Variants in NHS observed in about 807,000 individuals in gnomAD.
NHS encodes the protein NHS actin remodeling regulator.
A neutral mutation model predicts 72.5 loss-of-function variants in NHS; 5 were observed. That is an observed-to-expected ratio of 0.07 (90% confidence interval 0.04 to 0.14). NHS has a LOEUF of 0.14. Ranked by LOEUF, NHS falls within the 10% of genes least tolerant of loss-of-function variation. The probability of loss-of-function intolerance (pLI) is 1.00; values close to 1 mark genes in which losing one functional copy is unlikely to be tolerated. For synonymous variants in NHS, 464 were observed against 547.7 expected (o/e 0.85, Z 2.13); for missense variants, 1,072 against 1,355.7 (o/e 0.79, Z 3.29).
At chrX:17,721,299 TACTA>T (rs752273941) in intron 4 of NHS, 138 bp from the exon 5 acceptor site, 133 of 542,686 alleles carry the variant, frequency 2.5e-4, no homozygotes, top group South Asian at 4.3e-4. Context: ...TAGTTGTGCT[TACTA>T]ACTATTTCTA....
intron 1 of NHS, among the ~76,000 whole-genome samples, chrX:17,486,096 C>G (rs2064966450): frequency 8.9e-6 from 1 of 112,083 alleles, no homozygotes; most frequent in Non-Finnish European, 1.9e-5. Flanking sequence ...TCCCCAGCAC[C>G]TAGTGTGACA....
intron 1 of NHS, among the ~76,000 whole-genome samples, chrX:17,610,539 A>C (rs1330157700): frequency 3.6e-5 from 4 of 112,093 alleles, no homozygotes; most frequent in African/African-American, 1.3e-4. Flanking sequence ...GGAGGGGCTA[A>C]TAGCCCTCCA....
chrX:17,638,597 T>G (rs1460200129), intron 1 of NHS, among the ~76,000 whole-genome samples: 2 of 111,956 alleles, frequency 1.8e-5, no homozygotes, highest in Non-Finnish European at 1.9e-5. Flanking sequence ...GATGTGAATC[T>G]TTACTCTGCC....
chrX:17,564,982 TA>T (rs1174639038), intron 1 of NHS, among the ~76,000 whole-genome samples: 1,127 of 95,733 alleles, frequency 0.012, 26 homozygotes, highest in African/African-American at 0.056. Context: ...TTTTTTTATT[TA>T]TTTTTTTTTT....
intron 1 of NHS, chrX:17,687,268 C>T (rs968850632): frequency 1.6e-5 from 3 of 182,389 alleles, no homozygotes; most frequent in South Asian, 2.1e-4. Context: ...AGGTATAGGC[C>T]GAAGTTCAGG....
At chrX:17,502,102 C>T (rs1056722143) in intron 1 of NHS, among the ~76,000 whole-genome samples, 6 of 111,609 alleles carry the variant, frequency 5.4e-5, no homozygotes, top group Non-Finnish European at 1.1e-4. Flanking sequence ...TGTGTACACT[C>T]GGGAAAAAAG....
At chrX:17,393,274 C>G (rs1467935602) in intron 1 of NHS, among the ~76,000 whole-genome samples, 2 of 99,673 alleles carry the variant, frequency 2.0e-5, no homozygotes, top group African/African-American at 7.4e-5. Context: ...CTTGCTGTAC[C>G]TAGACTTTCT....
At chrX:17,485,521 G>C (rs1252851592) in intron 1 of NHS, among the ~76,000 whole-genome samples, 1 of 111,301 alleles carries the variant, frequency 9.0e-6, no homozygotes, top group African/African-American at 3.3e-5. Context: ...CTGGAGTTTT[G>C]CCAGTTGGCC....
intron 1 of NHS, among the ~76,000 whole-genome samples, chrX:17,611,948 A>G (rs2065713480): frequency 9.0e-6 from 1 of 111,729 alleles, no homozygotes. Context: ...CTTTTGGTAA[A>G]GCACAAATGC....
intron 1 of NHS, among the ~76,000 whole-genome samples, chrX:17,485,358 C>A (rs1330196383): frequency 8.9e-6 from 1 of 112,755 alleles, no homozygotes. Context: ...ATTCTGCACA[C>A]AACATCCATT....
chrX:17,528,117 C>T (rs1001622558), intron 1 of NHS, among the ~76,000 whole-genome samples: 3 of 111,821 alleles, frequency 2.7e-5, no homozygotes, highest in African/African-American at 9.8e-5. Flanking sequence ...CTTCCCTCAC[C>T]CCCAGGGGAC....
At chrX:17,645,228 T>C (rs769433537) in intron 1 of NHS, among the ~76,000 whole-genome samples, 3 of 111,882 alleles carry the variant, frequency 2.7e-5, no homozygotes, top group African/African-American at 9.7e-5. Flanking sequence ...TATGTTAACA[T>C]TGGTTACTCA....
At chrX:17,648,472 A>G (rs1177576942) in intron 1 of NHS, among the ~76,000 whole-genome samples, 1 of 112,594 alleles carries the variant, frequency 8.9e-6, no homozygotes, top group Admixed American at 9.4e-5. Flanking sequence ...GCCTGCTCAG[A>G]TTCAAGGTGG....
In NHS at chrX:17,472,435, C is replaced by T. The variant is rs1015829746; in HGVS notation, c.565+96113C>T. On this transcript the variant is annotated intron_variant, in intron 1 of 8. Transcript: ENST00000676302. ...TGCCCTGTTAAAGATGAAAATTTTA[C>T]CCCAACCCCATTCTTCAGGCTCCCA... 5.4e-5 allele frequency among the ~76,000 whole-genome samples: 6 copies of T among 111,080 alleles called. No individual in the cohort carries two copies. In the Admixed American group the frequency reaches 5.7e-4, roughly 11 times the overall value.
intron 1 of NHS, among the ~76,000 whole-genome samples, chrX:17,648,845 T>TG (rs2065917809): frequency 8.9e-6 from 1 of 112,344 alleles, no homozygotes; most frequent in Admixed American, 9.4e-5. Flanking sequence ...TGGATGGCCT[T>TG]GGGCAAGTTA....
chrX:17,402,635 G>C (rs1043210491), intron 1 of NHS, among the ~76,000 whole-genome samples: 2 of 111,658 alleles, frequency 1.8e-5, no homozygotes, highest in African/African-American at 6.5e-5. Flanking sequence ...GGTTGTCTAG[G>C]GCTGGGAAGA....
At chrX:17,393,601 C>T (rs979709432) in intron 1 of NHS, among the ~76,000 whole-genome samples, 1 of 112,178 alleles carries the variant, frequency 8.9e-6, no homozygotes. Context: ...GCATCCTTTC[C>T]TTGGGGAAAC....
At chrX:17,437,782 A>G (rs1168988162) in intron 1 of NHS, among the ~76,000 whole-genome samples, 2 of 111,929 alleles carry the variant, frequency 1.8e-5, no homozygotes, top group South Asian at 3.7e-4. Context: ...TGAGGATTCA[A>G]TAACACATAT....
chrX:17,496,133 C>G (rs763160478), intron 1 of NHS, among the ~76,000 whole-genome samples: 18 of 111,548 alleles, frequency 1.6e-4, no homozygotes, highest in Non-Finnish European at 3.0e-4. Context: ...CCAGCCAAGC[C>G]CAGCCCAGCC....
Sources: allele counts gnomAD v4.1 joint callset (sites outside exome capture counted in the v4.1 genomes callset), GRCh38; gene constraint gnomAD v4.1.1; transcripts MANE v1.5; gene names NCBI Gene and HGNC (gene_info 2026-07-23, HGNC 2026-07-21).